The following PRIM2 variants were observed in gnomAD, a reference collection of about 807,000 sequenced individuals.
The protein encoded by PRIM2 is DNA primase subunit 2.
A neutral mutation model predicts 67.3 loss-of-function variants in PRIM2; 39 were observed. The ratio of observed to expected loss-of-function variants is 0.58; its 90% CI spans 0.45 to 0.76. The LOEUF is 0.76. Ranked by LOEUF, PRIM2 falls within the 30% of genes least tolerant of loss-of-function variation. PRIM2 has a pLI of 0.00. For missense variants in PRIM2, 398 were observed against 598.7 expected, an observed-to-expected ratio of 0.66 and a Z score of 3.50; for synonymous variants, 143 against 198.7, an observed-to-expected ratio of 0.72 and a Z score of 2.36.
chr6:57,542,128 C>T (rs1157244703), intron 10 of PRIM2, among the ~76,000 whole-genome samples: 1 of 152,080 alleles, frequency 6.6e-6, no homozygotes, highest in Admixed American at 6.6e-5. Context: ...AGGCATGCAC[C>T]ACCATGCTCA....
chr6:57,312,003 C>A (rs993849625), upstream of PRIM2, among the ~76,000 whole-genome samples: 1 of 99,804 alleles, frequency 1.0e-5, no homozygotes, highest in Non-Finnish European at 1.8e-5. Flanking sequence ...AAAGGGAGAC[C>A]GTAGAAAGGG....
chr6:57,502,057 T>C (rs2127457927), intron 7 of PRIM2, among the ~76,000 whole-genome samples: 1 of 152,242 alleles, frequency 6.6e-6, no homozygotes, highest in Non-Finnish European at 1.5e-5. Context: ...CAGAGAGACA[T>C]AGATTAGAAG....
intron 10 of PRIM2, among the ~76,000 whole-genome samples, chr6:57,565,751 T>C (rs1775723746): frequency 6.6e-6 from 1 of 152,146 alleles, no homozygotes; most frequent in Non-Finnish European, 1.5e-5. Context: ...CAAGTTGGCA[T>C]GTGAAATTAA....
intron 12 of PRIM2, among the ~76,000 whole-genome samples, chr6:57,620,085 A>T (rs1461265427): frequency 6.6e-6 from 1 of 152,144 alleles, no homozygotes; most frequent in Non-Finnish European, 1.5e-5. Context: ...AGTCCCAGCT[A>T]CTTGGGAGGC....
intron 7 of PRIM2, among the ~76,000 whole-genome samples, chr6:57,410,068 C>T (rs1235142470): frequency 6.6e-6 from 1 of 151,994 alleles, no homozygotes; most frequent in African/African-American, 2.4e-5. Flanking sequence ...CCTGTAATCC[C>T]AGCACTTTGG....
intron 5 of PRIM2, among the ~76,000 whole-genome samples, chr6:57,366,074 A>T (rs866079564): frequency 1.2e-4 from 18 of 151,422 alleles, no homozygotes; most frequent in Middle Eastern, 3.4e-3. Context: ...TAAATAATAT[A>T]AAAAAAAACT....
chr6:57,354,166 G>A (rs1768948771), intron 5 of PRIM2, among the ~76,000 whole-genome samples: 1 of 152,108 alleles, frequency 6.6e-6, no homozygotes, highest in Non-Finnish European at 1.5e-5. Context: ...GTACTGAATG[G>A]CAAAAGTGGA....
intron 5 of PRIM2, among the ~76,000 whole-genome samples, chr6:57,370,135 C>T (rs1769494200): frequency 6.6e-6 from 1 of 152,192 alleles, no homozygotes; most frequent in Non-Finnish European, 1.5e-5. Flanking sequence ...TACTACTTTA[C>T]TCTGCTTTTA....
chr6:57,569,092 T>C (rs1158396376), intron 10 of PRIM2, among the ~76,000 whole-genome samples: 1 of 152,258 alleles, frequency 6.6e-6, no homozygotes, highest in Non-Finnish European at 1.5e-5. Flanking sequence ...CTGTTAAGAT[T>C]TAACTTGGTT....
upstream of PRIM2, among the ~76,000 whole-genome samples, chr6:57,314,538 AAAAAAC>A (rs1215993232): frequency 6.6e-6 from 1 of 152,234 alleles, no homozygotes; most frequent in African/African-American, 2.4e-5. Context: ...AAAACCAAAG[AAAAAAC>A]AAAAACAATT....
chr6:57,368,007 C>T (rs1246259769), intron 5 of PRIM2, among the ~76,000 whole-genome samples: 1 of 152,190 alleles, frequency 6.6e-6, no homozygotes, highest in Non-Finnish European at 1.5e-5. Flanking sequence ...GATTACATCA[C>T]AGTGCATTTG....
intron 10 of PRIM2, among the ~76,000 whole-genome samples, chr6:57,545,867 T>G: frequency 6.6e-6 from 1 of 152,178 alleles, no homozygotes; most frequent in Non-Finnish European, 1.5e-5. Context: ...TAAAGTGTAG[T>G]CCATCCTGTA....
intron 13 of PRIM2, among the ~76,000 whole-genome samples, chr6:57,640,549 C>T (rs1777212244): frequency 1.3e-5 from 2 of 152,282 alleles, no homozygotes. Flanking sequence ...TCTCAGGATA[C>T]AAAATCTCTG....
chr6:57,413,105 AC>A, intron 7 of PRIM2, among the ~76,000 whole-genome samples: 2 of 151,672 alleles, frequency 1.3e-5, no homozygotes, highest in South Asian at 4.2e-4. Context: ...GGCAAAAGAG[AC>A]CACTTCAGCC....
chr6:57,490,261 G>A (rs1375912213), intron 7 of PRIM2, among the ~76,000 whole-genome samples: 5 of 152,172 alleles, frequency 3.3e-5, no homozygotes, highest in Non-Finnish European at 5.9e-5. Flanking sequence ...CTGGTGGTAG[G>A]CAGCAAACTG....
intron 7 of PRIM2, among the ~76,000 whole-genome samples, chr6:57,392,638 GTT>G: frequency 6.9e-6 from 1 of 144,794 alleles, no homozygotes; most frequent in East Asian, 2.0e-4. Context: ...GAAAATATTC[GTT>G]TTTTTTTTGT....
intron 10 of PRIM2, among the ~76,000 whole-genome samples, chr6:57,581,081 T>C (rs1428499606): frequency 1.3e-5 from 2 of 152,178 alleles, no homozygotes; most frequent in African/African-American, 4.8e-5. Flanking sequence ...TTAAAAATCA[T>C]AATTCTTGTT....
At chr6:57,235,205 G>C in the PRIM2 span, among the ~76,000 whole-genome samples, 4 of 152,116 alleles carry the variant, frequency 2.6e-5, no homozygotes, top group African/African-American at 9.7e-5. Context: ...GCTCATGGCT[G>C]TAATCCCCGC....
chr6:57,393,982 G>GTT (rs1163237942), intron 7 of PRIM2, among the ~76,000 whole-genome samples: 6 of 151,662 alleles, frequency 4.0e-5, no homozygotes, highest in African/African-American at 1.5e-4. Flanking sequence ...AAGCATTTGG[G>GTT]TTTATTTCTG....
Sources: allele counts gnomAD v4.1 joint callset (sites outside exome capture counted in the v4.1 genomes callset), GRCh38; gene constraint gnomAD v4.1.1; transcripts MANE v1.5; gene names NCBI Gene and HGNC (gene_info 2026-07-23, HGNC 2026-07-21).